Variants in TOGARAM2 observed in about 807,000 individuals in gnomAD.
TOGARAM2 encodes TOG array regulator of axonemal microtubules 2.
Under a neutral mutation model 93.3 loss-of-function variants are expected in TOGARAM2, and 85 were observed. The observed-to-expected ratio is 0.91, with a 90% CI of 0.76 to 1.09. TOGARAM2 has a LOEUF of 1.09. Among genes scored for constraint, TOGARAM2 ranks in the 50% least tolerant of loss-of-function variants. TOGARAM2 has a pLI of 0.00. For synonymous variants in TOGARAM2, 593 were observed against 552.8 expected (o/e 1.07, Z -1.02); for missense variants, 1,277 against 1,334.5 (o/e 0.96, Z 0.67).
At chr2:29,019,705 G>GA (rs897017477) in intron 10 of TOGARAM2, among the ~76,000 whole-genome samples, 1 of 152,046 alleles carries the variant, frequency 6.6e-6, no homozygotes, top group Admixed American at 6.5e-5. Context: ...TTGGAGTTAG[G>GA]AAAAAAAGCC....
rs1289769520 is a variant in TOGARAM2 at position 29,036,551 on chromosome 2, C to T, written c.2429C>T (p.Ala810Val). 6.2e-7 allele frequency: 1 copy of T among 1,613,956 alleles called. No homozygotes were observed. The highest frequency in any genetic ancestry group is 8.5e-7 in the Non-Finnish European group (1 of 1,179,890). ...VTAHLVQVFD[A>V]FTPRLQDSNK... ...CTGTTTCTTCAATAGGTCTTTGATG[C>T]TTTCACCCCAAGGCTTCAGGATTCC... is the stretch of plus-strand genomic sequence containing the variant. Residue 810 changes from alanine to valine, a missense_variant, in exon 18 of 20, where the codon GCT (alanine) becomes GTT (valine). Transcript: ENST00000379558.
intron 18 of TOGARAM2, among the ~76,000 whole-genome samples, chr2:29,038,118 A>T (rs1369767422): frequency 6.6e-6 from 1 of 152,068 alleles, no homozygotes; most frequent in African/African-American, 2.4e-5. Flanking sequence ...GGTCCCTCTT[A>T]TTTGGGGCCC....
rs895056378 is a variant in TOGARAM2, at chr2:29,004,726, G to A, written c.830+1044G>A. Among the ~76,000 whole-genome samples the A allele has an allele frequency of 2.9e-5, 4 of 136,396 alleles. No individual in the cohort carries two copies. The East Asian group carries it at 6.5e-4, about 22-fold the overall frequency. 89.5% of individuals were successfully genotyped at this position (136,396 alleles called of 152,430 possible). On this transcript the variant is annotated intron_variant, in intron 6 of 19. Transcript: ENST00000379558. ...TGTGTGTGTCTGAGTATGTGTATAT[G>A]TGTGAGTGCATGCATGTGTGTGTGT...
intron 11 of TOGARAM2, among the ~76,000 whole-genome samples, chr2:29,022,829 G>A (rs1197928914): frequency 6.6e-6 from 1 of 152,218 alleles, no homozygotes; most frequent in Non-Finnish European, 1.5e-5. Context: ...ACAGGTCCTG[G>A]AGGGGGGTGG....
chr2:28,974,776 G>T (rs1317061559), intron 1 of TOGARAM2, among the ~76,000 whole-genome samples: 1 of 150,712 alleles, frequency 6.6e-6, no homozygotes, highest in Non-Finnish European at 1.5e-5. Context: ...ACTATGCCTG[G>T]CTAATTTTTG....
intron 18 of TOGARAM2, among the ~76,000 whole-genome samples, chr2:29,037,065 G>C (rs928801867): frequency 9.1e-4 from 138 of 152,132 alleles, no homozygotes; most frequent in African/African-American, 3.0e-3. Context: ...GGTGAGTCAG[G>C]AGTGCTGGGA....
chr2:29,005,144 AGTGCATGTTGT>A (rs1673619326), intron 6 of TOGARAM2, among the ~76,000 whole-genome samples: 1 of 8,606 alleles, frequency 1.2e-4, no homozygotes, highest in Non-Finnish European at 6.5e-4. Flanking sequence ...TATGTGTGTG[AGTGCATGTTGT>A]GTGTGAGTGC....
chr2:29,022,697 C>T (rs757855889), intron 11 of TOGARAM2, among the ~76,000 whole-genome samples: 2 of 152,164 alleles, frequency 1.3e-5, no homozygotes, highest in South Asian at 2.1e-4. Flanking sequence ...GATGCAGGAC[C>T]GTAGTCATGA....
intron 1 of TOGARAM2, among the ~76,000 whole-genome samples, chr2:28,969,925 G>A (rs1412677954): frequency 4.8e-5 from 7 of 146,562 alleles, no homozygotes; most frequent in East Asian, 2.1e-4. Flanking sequence ...CAATGCTCCC[G>A]CCTGAGCCTC....
intron 1 of TOGARAM2, 33 bp from the exon 2 acceptor site, chr2:28,994,692 T>G: frequency 1.3e-6 from 1 of 760,572 alleles, no homozygotes; most frequent in East Asian, 2.8e-5. Flanking sequence ...TAATTTGCTT[T>G]TACTGACTTC....
Position 28,998,121 on chromosome 2 carries a change from T to G in TOGARAM2, c.29-22T>G, listed in dbSNP as rs764111576. 27 of 1,546,374 alleles carry G rather than the reference T, an allele frequency of 1.7e-5. No homozygotes were observed. In the African/African-American group the frequency reaches 2.6e-4, roughly 15 times the overall value. On this transcript the variant is annotated intron_variant, in intron 2 of 19. Transcript: ENST00000379558. ...GCCTTGGAGGACTCTCAGGTGCTGC[T>G]CTCCTGTGCTTCTGTCTCCAGCCAA...
At chr2:29,036,999 C>T (rs1666153638) in intron 18 of TOGARAM2, among the ~76,000 whole-genome samples, 1 of 152,152 alleles carries the variant, frequency 6.6e-6, no homozygotes, top group Non-Finnish European at 1.5e-5. Flanking sequence ...TCCAGTCCAG[C>T]CTCCTCATAG....
intron 1 of TOGARAM2, among the ~76,000 whole-genome samples, chr2:28,967,881 C>T (rs867869664): frequency 4.6e-5 from 6 of 129,928 alleles, no homozygotes; most frequent in South Asian, 2.5e-4. Context: ...GGCTCAATGT[C>T]GGCTCACTGA....
intron 6 of TOGARAM2, among the ~76,000 whole-genome samples, chr2:29,008,478 A>T (rs1301961793): frequency 1.3e-5 from 2 of 150,882 alleles, no homozygotes; most frequent in African/African-American, 4.9e-5. Flanking sequence ...TTTTTTTGAG[A>T]TGGAGTCTTG....
intron 7 of TOGARAM2, among the ~76,000 whole-genome samples, 170 bp downstream of exon 7, chr2:29,011,671 C>T (rs1020303547): frequency 1.5e-4 from 23 of 152,180 alleles, no homozygotes; most frequent in Admixed American, 1.2e-3. Flanking sequence ...AGGGTGGCAG[C>T]GGGCCCGGGC....
intron 1 of TOGARAM2, among the ~76,000 whole-genome samples, chr2:28,963,997 A>G (rs1251343035): frequency 6.6e-6 from 1 of 152,150 alleles, no homozygotes; most frequent in Non-Finnish European, 1.5e-5. Flanking sequence ...ACAGAGCAAA[A>G]ACTCCATCTA....
chr2:28,992,924 G>A (rs1376568138), intron 1 of TOGARAM2, among the ~76,000 whole-genome samples: 1 of 152,150 alleles, frequency 6.6e-6, no homozygotes, highest in African/African-American at 2.4e-5. Context: ...GCTGGCCATG[G>A]TGATGTATGC....
At chr2:29,026,752 G>T (rs1193904391) in intron 13 of TOGARAM2, 101 bp from the exon 14 acceptor site, 3 of 1,268,986 alleles carry the variant, frequency 2.4e-6, no homozygotes, top group Admixed American at 3.7e-5. Flanking sequence ...CCCCTGGCTG[G>T]CATGAAGCAT....
upstream of TOGARAM2, among the ~76,000 whole-genome samples, chr2:28,977,189 C>G (rs1373522912): frequency 6.6e-6 from 1 of 152,186 alleles, no homozygotes; most frequent in Non-Finnish European, 1.5e-5. Flanking sequence ...GGAGGGCACA[C>G]AGTAATGGTG....
Sources: gnomAD v4.1 joint callset for allele counts (sites outside exome capture counted in the v4.1 genomes callset) on GRCh38, gnomAD v4.1.1 for gene constraint, MANE v1.5 for transcripts, NCBI Gene and HGNC (gene_info 2026-07-23, HGNC 2026-07-21) for gene names.